Variants in ZFYVE26 observed in about 807,000 individuals in gnomAD.
ZFYVE26 encodes the protein zinc finger FYVE domain-containing protein 26.
ZFYVE26 carries 181 observed loss-of-function variants against 276.5 expected under a neutral mutation model. The observed-to-expected ratio is 0.65, with a 90% CI of 0.58 to 0.74. ZFYVE26 has a LOEUF of 0.74. Among genes scored for constraint, ZFYVE26 ranks in the 30% least tolerant of loss-of-function variants. The pLI is 0.00. For synonymous variants in ZFYVE26, 1,129 were observed against 1,203.1 expected (o/e 0.94, Z 1.27); for missense variants, 2,821 against 3,097.9 (o/e 0.91, Z 2.12).
At chr14:67,786,723 G>A (rs1353001930) in intron 16 of ZFYVE26, among the ~76,000 whole-genome samples, 1 of 152,192 alleles carries the variant, frequency 6.6e-6, no homozygotes, top group African/African-American at 2.4e-5. Context: ...GTATATTGAA[G>A]AGATATTTGC....
At chr14:67,787,205 G>A (rs577219677) in intron 16 of ZFYVE26, among the ~76,000 whole-genome samples, 2 of 152,206 alleles carry the variant, frequency 1.3e-5, no homozygotes, top group African/African-American at 4.8e-5. Flanking sequence ...TTAGCTGGGC[G>A]TGGTGGCACA....
At chr14:67,756,187 G>C (rs1473284772) in intron 35 of ZFYVE26, 42 bp from the exon 36 acceptor site, 1 of 1,601,974 alleles carries the variant, frequency 6.2e-7, no homozygotes, top group East Asian at 2.2e-5. Flanking sequence ...CTTGAGCCTG[G>C]TTCTGGCACT....
At chr14:67,767,387 T>C (rs2039086678) in intron 31 of ZFYVE26, among the ~76,000 whole-genome samples, 1 of 152,038 alleles carries the variant, frequency 6.6e-6, no homozygotes, top group Non-Finnish European at 1.5e-5. Flanking sequence ...TGCTCAGATG[T>C]TTTAATTTTG....
downstream of ZFYVE26, among the ~76,000 whole-genome samples, chr14:67,744,937 G>A (rs369485975): frequency 3.9e-5 from 6 of 152,190 alleles, no homozygotes; most frequent in Non-Finnish European, 5.9e-5. Context: ...CCAGTAATGA[G>A]ATTGCTGGGT....
intron 11 of ZFYVE26, 92 bp from the exon 12 acceptor site, chr14:67,797,847 G>C: frequency 6.3e-7 from 1 of 1,578,034 alleles, no homozygotes; most frequent in Non-Finnish European, 8.7e-7. Context: ...GGTTTGCACT[G>C]GGCTCTGAGA....
chr14:67,760,929 T>C (rs1010539542), intron 35 of ZFYVE26: 5 of 397,982 alleles, frequency 1.3e-5, no homozygotes, highest in African/African-American at 1.0e-4. Flanking sequence ...CCATGGTTAC[T>C]TCCTGGCCCT....
At chr14:67,812,639 T>C (rs181564) in intron 3 of ZFYVE26, among the ~76,000 whole-genome samples, 106,706 of 152,148 alleles carry the variant, frequency 0.7, 37,898 homozygotes, top group East Asian at 0.98. Flanking sequence ...AATAATCTAT[T>C]TGTGAACCTG....
intron 28 of ZFYVE26, chr14:67,769,937 G>A (rs925941840): frequency 1.1e-5 from 7 of 651,074 alleles, no homozygotes; most frequent in African/African-American, 3.6e-5. Context: ...GCAAAGGTGC[G>A]AAGTCATGGA....
Position 67,772,205 on chromosome 14 carries a change from A to T in ZFYVE26, c.5326T>A (p.Ser1776Thr). The T allele has an allele frequency of 1.2e-6, 2 of 1,612,806 alleles. No homozygotes were observed. Among genetic ancestry groups the T allele is most frequent in the South Asian group, 2.2e-5 (2 of 90,680 alleles). Residue 1776 changes from serine to threonine, a missense_variant, in exon 28 of 42, where the codon TCC becomes ACC. By Grantham distance (58) the Ser-to-Thr change is moderately conservative. Transcript: ENST00000347230. The part of the protein sequence containing the change: ...EFSPAAPPGI[S>T]SIHSPSLRER... Reference sequence around the variant, plus strand: ...CTTAGACTAGGGGAATGTATACTGGAGATACCTGGGAGGCAGAGCCAGAGG... The same window carrying T: ...CTTAGACTAGGGGAATGTATACTGGTGATACCTGGGAGGCAGAGCCAGAGG...
chr14:67,743,633 G>A (rs1455834462), downstream of ZFYVE26, among the ~76,000 whole-genome samples: 1 of 152,216 alleles, frequency 6.6e-6, no homozygotes, highest in African/African-American at 2.4e-5. Flanking sequence ...TTTTGGACAT[G>A]CTAATATTTT....
exon 14 of ZFYVE26, chr14:67,729,665 A>C (rs984553760): frequency 8.4e-6 from 5 of 593,016 alleles, no homozygotes; most frequent in South Asian, 8.1e-5. Flanking sequence ...GCTGTTGGTT[A>C]TGCCATGGAG....
Position 67,802,233 on chromosome 14 carries a change from C to A in ZFYVE26, c.1485G>T (p.Leu495=). Reference sequence around the variant, plus strand: ...TGGCACAGAAGCCCTGGTAGAGTGTCAGGTTCTGACACTGGCTCAGGTGCT... The same window carrying A: ...TGGCACAGAAGCCCTGGTAGAGTGTAAGGTTCTGACACTGGCTCAGGTGCT... ...VPEHLSQCQN[L]TLYQGFCAMK... Residue 495 remains leucine (L), a synonymous_variant, in exon 10 of 42, where the codon CTG becomes CTT. Transcript: ENST00000347230. The A allele has an allele frequency of 6.2e-7, 1 of 1,614,190 alleles. No homozygotes were observed. The highest frequency in any genetic ancestry group is 1.1e-5 in the South Asian group (1 of 91,064).
At chr14:67,729,317 C>T (rs773620603) in exon 14 of ZFYVE26, 2 of 1,600,260 alleles carry the variant, frequency 1.2e-6, no homozygotes, top group Non-Finnish European at 1.7e-6. Flanking sequence ...CGGGAGGGGG[C>T]GCAGACCAGC....
At chr14:67,753,186 C>T (rs2038693788) in intron 39 of ZFYVE26, among the ~76,000 whole-genome samples, 1 of 152,244 alleles carries the variant, frequency 6.6e-6, no homozygotes, top group Non-Finnish European at 1.5e-5. Flanking sequence ...CCTGGGGTAT[C>T]TGCATGGAGC....
Position 67,802,247 on chromosome 14 carries a change from GGCTCAGGT to G in ZFYVE26, c.1463_1470del (p.His488ProfsTer40). On this transcript the variant is annotated frameshift_variant, in exon 10 of 42. Transcript: ENST00000347230. LOFTEE classifies it high-confidence loss of function. ...TGGTAGAGTGTCAGGTTCTGACACTGGCTCAGGTGCTCAGGGACTGGAGCATCAACTGC... is the reference window on the plus strand; with the variant it reads ...TGGTAGAGTGTCAGGTTCTGACACTGGCTCAGGGACTGGAGCATCAACTGC... 1 of 1,614,214 alleles carries G rather than the reference GGCTCAGGT, an allele frequency of 6.2e-7. No homozygotes were observed. Among genetic ancestry groups the G allele is most frequent in the Non-Finnish European group, 8.5e-7 (1 of 1,180,048 alleles).
rs1261150082 is a variant in ZFYVE26 at position 67,807,644 on chromosome 14, C to T, written c.640G>A (p.Val214Ile). 1.2e-6 allele frequency: 2 copies of T among 1,614,190 alleles called. No individual in the cohort carries two copies. Among genetic ancestry groups the T allele is most frequent in the Non-Finnish European group, 1.7e-6 (2 of 1,180,028 alleles). Residue 214 changes from valine (V) to isoleucine (I), a missense_variant, in exon 5 of 42, where the codon GTA becomes ATA. Transcript: ENST00000347230. ...AGGGCTCCATAGATGGCATCGACTA[C>T]CCCAGGGGGCACCGAATCAGGGCCC... Reference protein sequence around the residue: ...LQGPDSVPPGVVDAIYGALRT... With the variant: ...LQGPDSVPPGIVDAIYGALRT...
intron 4 of ZFYVE26, 135 bp from the exon 5 acceptor site, chr14:67,808,055 A>G: frequency 6.5e-6 from 7 of 1,070,780 alleles, no homozygotes; most frequent in Non-Finnish European, 9.5e-6. Flanking sequence ...CGTAGTTACT[A>G]TGTGTTAGAC....
At chr14:67,808,020 T>C (rs370401358) in intron 4 of ZFYVE26, 100 bp from the exon 5 acceptor site, 6 of 1,376,490 alleles carry the variant, frequency 4.4e-6, no homozygotes, top group African/African-American at 1.4e-5. Context: ...ACTTATATAA[T>C]AGTGGCGGTA....
intron 16 of ZFYVE26, among the ~76,000 whole-genome samples, chr14:67,788,932 T>G (rs1380062690): frequency 6.6e-6 from 1 of 152,168 alleles, no homozygotes; most frequent in Admixed American, 6.5e-5. Flanking sequence ...TCTGCACTGT[T>G]ATTCACCTCA....
Sources: gnomAD v4.1 joint callset for allele counts (sites outside exome capture counted in the v4.1 genomes callset) on GRCh38, gnomAD v4.1.1 for gene constraint, MANE v1.5 for transcripts, NCBI Gene and HGNC (gene_info 2026-07-23, HGNC 2026-07-21) for gene names.